NID1: variants seen among roughly 807,000 people sequenced by gnomAD.
The protein encoded by NID1 is nidogen-1.
Under a neutral mutation model 130.6 loss-of-function variants are expected in NID1, and 76 were observed. The observed-to-expected ratio is 0.58, with a 90% CI of 0.48 to 0.70. The LOEUF (loss-of-function observed/expected upper bound fraction) is 0.70, where lower values mean the gene tolerates loss of function less well. NID1 is among the 30% of genes least tolerant of loss of function. The pLI is 0.00. For missense variants in NID1, 1,517 were observed against 1,664.8 expected (o/e 0.91, Z 1.54); for synonymous variants, 665 against 675.1 (o/e 0.98, Z 0.23).
chr1:235,982,359 G>C (rs1177338975), intron 15 of NID1, among the ~76,000 whole-genome samples: 9 of 152,316 alleles, frequency 5.9e-5, no homozygotes, highest in African/African-American at 2.2e-4. Flanking sequence ...AGGAGGCCAT[G>C]TTAATGAACT....
intron 6 of NID1, among the ~76,000 whole-genome samples, chr1:236,030,885 T>C (rs927566894): frequency 6.6e-6 from 1 of 152,120 alleles, no homozygotes; most frequent in African/African-American, 2.4e-5. Context: ...AGCACCAATA[T>C]AAATTAACTC....
At chr1:235,978,081 C>CT in intron 19 of NID1, 93 bp from the exon 20 acceptor site, 1 of 1,472,736 alleles carries the variant, frequency 6.8e-7, no homozygotes, top group African/African-American at 1.4e-5. Flanking sequence ...TGTGATCCCC[C>CT]TTTTAGTTTC....
chr1:235,979,704 G>A lies in NID1; in HGVS notation c.3509+118C>T. 1 of 1,086,888 alleles carries A rather than the reference G, an allele frequency of 9.2e-7. No homozygotes were observed. The allele number at this position is 1,086,888 out of a possible 1,614,324, so 67.3% of individuals were successfully genotyped here. A position where few individuals can be genotyped will look rare whatever the true frequency, so the allele number is the denominator to read the frequency against. ...AAGGGAGAGGGGACATCTCTAGAGG[G>A]GGCATTTCTGGAGGCTCAAAAGTCA... On this transcript the variant is annotated intron_variant, in intron 18 of 19. Transcript: ENST00000264187. The surrounding 1 kb of genome is among the most constrained non-coding windows in gnomAD (Gnocchi z 4.6).
intron 6 of NID1, among the ~76,000 whole-genome samples, chr1:236,030,946 G>A (rs1396598483): frequency 6.6e-6 from 1 of 152,136 alleles, no homozygotes; most frequent in East Asian, 1.9e-4. Flanking sequence ...AGTGGGGTCT[G>A]TGAGTTTGAC....
chr1:235,985,466 T>G lies in NID1; in HGVS notation c.2968A>C (p.Lys990Gln). The change falls in exon 15 of 20, where the codon AAG becomes CAG. Residue 990 changes from lysine to glutamine, a missense_variant. Lys to Gln is a moderately conservative substitution (Grantham distance 53). Coordinates refer to ENST00000264187, the MANE Select transcript of NID1 (RefSeq NM_002508.3). ...IIGLAFDCVD[K>Q]MVYWTDITEP... ...GTGATGTCCGTCCAGTAAACCATCT[T>G]GTCCACGCAGTCAAAGGCCAGTCCA... 6.2e-7 allele frequency: 1 copy of G among 1,614,148 alleles called. No individual in the cohort carries two copies. The highest frequency in any genetic ancestry group is 1.6e-4 in the Middle Eastern group (1 of 6,062).
In NID1 at chr1:235,980,516, T is replaced by A. The variant is rs768550364; in HGVS notation, c.3365A>T (p.Gln1122Leu). 2.5e-6 allele frequency: 4 copies of A among 1,614,146 alleles called. No individual in the cohort carries two copies. In the Admixed American group the frequency reaches 6.7e-5, roughly 27 times the overall value. The change falls in exon 17 of 20, where the codon CAG becomes CTG. Residue 1122 changes from glutamine to leucine, a missense_variant. Gln to Leu is a moderately radical substitution (Grantham distance 113). Coordinates refer to ENST00000264187, the MANE Select transcript of NID1 (RefSeq NM_002508.3). Reference sequence around the variant, plus strand: ...ATCACCTGCATCCACCCAGCAGAGCTGAGATGAGAACGCATCGAAGGTCAG... The same window carrying A: ...ATCACCTGCATCCACCCAGCAGAGCAGAGATGAGAACGCATCGAAGGTCAG... ...NGLTFDAFSSQLCWVDAGTNR... is the reference protein window; with the variant it reads ...NGLTFDAFSSLLCWVDAGTNR...
At position 236,026,026 on chromosome 1, in the gene NID1, G is replaced by A. The variant is rs767766333; in HGVS notation, c.1854C>T (p.Cys618=). ...GGGCTGGCCGGGAGTCATCGTGGACGCATTCCTGGAAGGTGATGGTCTGGC... is the reference window on the plus strand; with the variant it reads ...GGGCTGGCCGGGAGTCATCGTGGACACATTCCTGGAAGGTGATGGTCTGGC... ...QWRQTITFQE[C]VHDDSRPALP... The change falls in exon 8 of 20, where the codon TGC becomes TGT. Residue 618 remains cysteine (C), a synonymous_variant. Coordinates refer to ENST00000264187, the MANE Select transcript of NID1 (RefSeq NM_002508.3). The A allele has an allele frequency of 1.4e-5, 23 of 1,613,492 alleles. No homozygotes were observed. In the South Asian group the frequency reaches 1.4e-4, roughly 10 times the overall value.
rs145173965 is a variant in NID1, at chr1:236,061,746, AT to A, written c.225+3108del. On this transcript the variant is annotated intron_variant, in intron 1 of 19. Coordinates refer to ENST00000264187, the MANE Select transcript of NID1 (RefSeq NM_002508.3). ...TCTCAACAATTAAAAAAAAAACACG[AT>A]TTTTTTTTAATGACCAAAGGATTTG... Among the ~76,000 whole-genome samples the A allele has an allele frequency of 5.0e-3, 749 of 151,194 alleles. 7 individuals are homozygous for A. Among genetic ancestry groups the A allele is most frequent in the Middle Eastern group, 0.017 (5 of 292 alleles).
chr1:236,061,047 A>G (rs1558453329), intron 1 of NID1, among the ~76,000 whole-genome samples: 1 of 152,270 alleles, frequency 6.6e-6, no homozygotes, highest in Non-Finnish European at 1.5e-5. Context: ...TGAACAGTAT[A>G]TCAGTGTTAC....
At chr1:235,990,604 TA>T (rs893485323) in intron 14 of NID1, among the ~76,000 whole-genome samples, 6 of 152,218 alleles carry the variant, frequency 3.9e-5, no homozygotes, top group Admixed American at 2.6e-4. Context: ...TGAAAGCCTC[TA>T]AAAACTCCAA....
At chr1:236,060,448 T>C (rs1380158181) in intron 1 of NID1, among the ~76,000 whole-genome samples, 1 of 152,190 alleles carries the variant, frequency 6.6e-6, no homozygotes, top group Admixed American at 6.6e-5. Context: ...TGACTTAGAA[T>C]GCCTTAACCA....
chr1:236,054,991 A>T (rs1286580826), intron 1 of NID1, among the ~76,000 whole-genome samples: 1 of 151,832 alleles, frequency 6.6e-6, no homozygotes, highest in Non-Finnish European at 1.5e-5. Flanking sequence ...CAAAACGATA[A>T]AATATTTGGG....
intron 12 of NID1, among the ~76,000 whole-genome samples, chr1:236,000,078 G>A (rs1423667711): frequency 2.0e-5 from 3 of 152,276 alleles, no homozygotes; most frequent in East Asian, 3.9e-4. Context: ...GCTGGGCGTG[G>A]TGATGGGCGC....
chr1:236,019,640 G>A (rs375346591), intron 9 of NID1, among the ~76,000 whole-genome samples: 9 of 152,226 alleles, frequency 5.9e-5, no homozygotes, highest in Middle Eastern at 3.4e-3. Context: ...ACACATACAC[G>A]CCAGACTAGA....
Position 236,032,531 on chromosome 1 carries a change from G to A in NID1, c.1407C>T (p.Ser469=). The A allele has an allele frequency of 1.9e-6, 3 of 1,614,188 alleles. No individual in the cohort carries two copies. The highest frequency in any genetic ancestry group is 2.5e-6 in the Non-Finnish European group (3 of 1,180,040). Residue 469 remains serine (S), a synonymous_variant, in exon 6 of 20, where the codon TCC becomes TCT. Coordinates refer to ENST00000264187, the MANE Select transcript of NID1 (RefSeq NM_002508.3). ...CGGGAATGGTGCTGATGGCTGTGTA[G>A]GAGCGCCCGTGGTTCATTACTACGT... ...HSYVVMNHGR[S]YTAISTIPET...
intron 8 of NID1, among the ~76,000 whole-genome samples, chr1:236,024,588 T>C (rs1263767009): frequency 6.6e-6 from 1 of 152,216 alleles, no homozygotes; most frequent in Non-Finnish European, 1.5e-5. Context: ...CCACAGTTGC[T>C]ATAGGAGGGA....
At chr1:236,016,235 T>C (rs1658590618) in intron 10 of NID1, among the ~76,000 whole-genome samples, 1 of 151,588 alleles carries the variant, frequency 6.6e-6, no homozygotes, top group African/African-American at 2.4e-5. Flanking sequence ...AGCTCACAGA[T>C]GTTTGGGTCA....
intron 1 of NID1, among the ~76,000 whole-genome samples, chr1:236,054,407 G>C (rs1251489761): frequency 6.6e-6 from 1 of 152,080 alleles, no homozygotes. Context: ...AGTGAGCCGA[G>C]ACTGCGTCAT....
chr1:236,064,536 A>G, intron 1 of NID1: 1 of 309,642 alleles, frequency 3.2e-6, no homozygotes, highest in Non-Finnish European at 6.1e-6. Context: ...CAGCCGAGGG[A>G]CGCGGACTGA....
Sources: allele counts gnomAD v4.1 joint callset (sites outside exome capture counted in the v4.1 genomes callset), GRCh38; gene constraint gnomAD v4.1.1; non-coding constraint Gnocchi (gnomAD v3.1); transcripts MANE v1.5; gene names NCBI Gene and HGNC (gene_info 2026-07-23, HGNC 2026-07-21).